The following NECTIN3 variants were observed in gnomAD, a reference collection of about 807,000 sequenced individuals.
The protein encoded by NECTIN3 is nectin cell adhesion molecule 3.
Under a neutral mutation model 49.4 loss-of-function variants are expected in NECTIN3, and 8 were observed. The observed-to-expected ratio is 0.16, with a 90% confidence interval of 0.10 to 0.29. NECTIN3 has a LOEUF of 0.29. Ranked by LOEUF, NECTIN3 falls within the 10% of genes least tolerant of loss-of-function variation. The pLI is 1.00. For missense variants in NECTIN3, 581 were observed against 654.6 expected (o/e 0.89, Z 1.23); for synonymous variants, 277 against 241.1 (o/e 1.15, Z -1.38).
At chr3:111,126,416 A>T in intron 5 of NECTIN3, 81 bp downstream of exon 5, 1 of 1,211,072 alleles carries the variant, frequency 8.3e-7, no homozygotes, top group Non-Finnish European at 1.2e-6. Context: ...CTAAGCAATA[A>T]TTTGTACTTG....
intron 4 of NECTIN3, among the ~76,000 whole-genome samples, chr3:111,125,273 C>T (rs899935858): frequency 3.3e-5 from 5 of 151,924 alleles, no homozygotes; most frequent in African/African-American, 1.2e-4. Flanking sequence ...AAGTGATGTG[C>T]CCGCCTCGGC....
At chr3:111,193,323 C>T in intron 1 of NECTIN3, 1 of 1,534,206 alleles carries the variant, frequency 6.5e-7, no homozygotes, top group Non-Finnish European at 8.7e-7. Flanking sequence ...TGGCAAACAT[C>T]ATCAAAATAA....
In NECTIN3 at chr3:111,172,941, T is replaced by C. The variant is rs1348886193; in HGVS notation, c.1222-19410T>C. On this transcript the variant is annotated intron_variant, in intron 7 of 8. Coordinates refer to the NECTIN3 transcript ENST00000493615. ...GCTTTGGATAAAAAGTGATAGAAGATTTTTTACAGCTTTTGAAGTCACTTA... is the reference window on the plus strand; with the variant it reads ...GCTTTGGATAAAAAGTGATAGAAGACTTTTTACAGCTTTTGAAGTCACTTA... 3.9e-5 allele frequency among the ~76,000 whole-genome samples: 6 copies of C among 152,210 alleles called. No individual in the cohort carries two copies. In the East Asian group the frequency reaches 9.6e-4, roughly 24 times the overall value.
intron 1 of NECTIN3, 149 bp from the exon 2 acceptor site, chr3:111,111,881 G>A (rs2033473978): frequency 3.5e-6 from 2 of 576,564 alleles, no homozygotes; most frequent in Admixed American, 3.5e-5. Flanking sequence ...GCGTGTGAGT[G>A]CATGTGTGTG....
chr3:111,089,766 A>T (rs1266930869), intron 1 of NECTIN3, among the ~76,000 whole-genome samples: 1 of 152,026 alleles, frequency 6.6e-6, no homozygotes, highest in African/African-American at 2.4e-5. Context: ...GTATGTGTAT[A>T]TGAGTTAGAT....
At chr3:111,141,448 TTGAA>T (rs1347743324), downstream of NECTIN3, among the ~76,000 whole-genome samples, 4 of 151,914 alleles carry the variant, frequency 2.6e-5, no homozygotes, top group Non-Finnish European at 5.9e-5. Flanking sequence ...TTATTTGTTT[TTGAA>T]TGATAAAAAT....
chr3:111,139,005 A>G (rs1446841139), downstream of NECTIN3, among the ~76,000 whole-genome samples: 2 of 151,642 alleles, frequency 1.3e-5, no homozygotes, highest in African/African-American at 2.4e-5. Flanking sequence ...AAATTATACA[A>G]AAAATAGGAC....
chr3:111,142,132 C>T (rs1318421622), downstream of NECTIN3, among the ~76,000 whole-genome samples: 1 of 151,888 alleles, frequency 6.6e-6, no homozygotes, highest in Non-Finnish European at 1.5e-5. Context: ...TCCTCCTTTG[C>T]TTTCATACTG....
intron 1 of NECTIN3, among the ~76,000 whole-genome samples, chr3:111,087,919 A>G (rs781751852): frequency 5.3e-5 from 8 of 151,796 alleles, no homozygotes; most frequent in Non-Finnish European, 4.4e-5. Flanking sequence ...GCTTGTCTTG[A>G]ACTCCTGACC....
intron 1 of NECTIN3, among the ~76,000 whole-genome samples, chr3:111,106,912 G>A (rs2033206476): frequency 6.6e-6 from 1 of 151,998 alleles, no homozygotes; most frequent in Non-Finnish European, 1.5e-5. Flanking sequence ...CAATATGCAT[G>A]CCATTACTGT....
chr3:111,179,420 A>T (rs1286932426), intron 7 of NECTIN3, among the ~76,000 whole-genome samples: 1 of 152,176 alleles, frequency 6.6e-6, no homozygotes, highest in Non-Finnish European at 1.5e-5. Context: ...CTATGCAATG[A>T]TAGCTTTTCA....
At chr3:111,193,736 G>T (rs574229770) in intron 1 of NECTIN3, among the ~76,000 whole-genome samples, 4 of 152,262 alleles carry the variant, frequency 2.6e-5, no homozygotes, top group African/African-American at 9.6e-5. Flanking sequence ...TATTAACCTC[G>T]TTGGGTCTCA....
intron 7 of NECTIN3, among the ~76,000 whole-genome samples, chr3:111,164,902 G>A (rs1435563507): frequency 1.3e-5 from 2 of 152,116 alleles, no homozygotes; most frequent in African/African-American, 4.8e-5. Flanking sequence ...ATGTAACTCA[G>A]GCACTAGACT....
chr3:111,145,912 AT>A (rs1447501614), intron 6 of NECTIN3, among the ~76,000 whole-genome samples: 1 of 152,142 alleles, frequency 6.6e-6, no homozygotes, highest in Non-Finnish European at 1.5e-5. Context: ...CATCAAAGAC[AT>A]TTGTGTGTCA....
chr3:111,174,218 C>T (rs2035483606), intron 7 of NECTIN3, among the ~76,000 whole-genome samples: 1 of 152,160 alleles, frequency 6.6e-6, no homozygotes, highest in African/African-American at 2.4e-5. Flanking sequence ...CTCTGAACCC[C>T]TGTCATTTCT....
chr3:111,084,052 T>A (rs1402016781), intron 1 of NECTIN3, among the ~76,000 whole-genome samples: 1 of 152,048 alleles, frequency 6.6e-6, no homozygotes, highest in East Asian at 1.9e-4. Context: ...TACGGCAAGG[T>A]CCAGGAAAAG....
chr3:111,193,211 T>C, intron 1 of NECTIN3: 1 of 1,535,566 alleles, frequency 6.5e-7, no homozygotes, highest in Non-Finnish European at 8.7e-7. Flanking sequence ...ATGGACTAAA[T>C]AGCAGGAGTT....
chr3:111,078,136 G>A (rs1171522777), intron 1 of NECTIN3, among the ~76,000 whole-genome samples: 2 of 152,164 alleles, frequency 1.3e-5, no homozygotes, highest in African/African-American at 4.8e-5. Flanking sequence ...ATTCAAGTGT[G>A]ATGTTCCTGG....
At chr3:111,150,142 G>A (rs2034970094) in intron 7 of NECTIN3, among the ~76,000 whole-genome samples, 1 of 151,972 alleles carries the variant, frequency 6.6e-6, no homozygotes, top group African/African-American at 2.4e-5. Context: ...TCATGATCAG[G>A]AGATTCCGTG....
Sources: gnomAD v4.1 joint callset for allele counts (sites outside exome capture counted in the v4.1 genomes callset) on GRCh38, gnomAD v4.1.1 for gene constraint, MANE v1.5 for transcripts, NCBI Gene and HGNC (gene_info 2026-07-23, HGNC 2026-07-21) for gene names.